The following NOTCH3 variants were observed in gnomAD, a reference collection of about 807,000 sequenced individuals.
NOTCH3 encodes neurogenic locus notch homolog protein 3.
NOTCH3 carries 86 observed loss-of-function variants against 213.3 expected under a neutral mutation model. The ratio of observed to expected loss-of-function variants is 0.40; its 90% CI spans 0.34 to 0.48. NOTCH3 has a LOEUF of 0.48. NOTCH3 is among the 20% of genes least tolerant of loss of function. NOTCH3 has a pLI of 0.57. For missense variants in NOTCH3, 2,783 were observed against 3,272.6 expected, an observed-to-expected ratio of 0.85 and a Z score of 3.65; for synonymous variants, 1,354 against 1,355.9, an observed-to-expected ratio of 1.00 and a Z score of 0.03.
At chr19:15,167,902 TTTTG>T (rs151155200) in intron 28 of NOTCH3, among the ~76,000 whole-genome samples, 10,066 of 47,356 alleles carry the variant, frequency 0.21, 402 homozygotes, top group African/African-American at 0.31. Context: ...TTTTTTTTTT[TTTTG>T]GTCTTTTTGA....
intron 1 of NOTCH3, among the ~76,000 whole-genome samples, chr19:15,200,149 C>A (rs1346493185): frequency 6.6e-6 from 1 of 150,392 alleles, no homozygotes; most frequent in African/African-American, 2.4e-5. Flanking sequence ...CTTCCCCTCC[C>A]CGCGCAGGGG....
In NOTCH3 at chr19:15,163,038, G is replaced by A. The variant is rs138328520; in HGVS notation, c.5816-476C>T. ...CCTGCCTCAGCCTCCCTAGTAGCTG[G>A]GACTACAGGCATGTACCACCATGCC... On this transcript the variant is annotated intron_variant, in intron 31 of 32. Transcript: ENST00000263388. 7.6e-3 allele frequency among the ~76,000 whole-genome samples: 1,159 copies of A among 152,198 alleles called. 9 individuals are homozygous for A. Among genetic ancestry groups the A allele is most frequent in the African/African-American group, 0.026 (1,084 of 41,504 alleles).
intron 23 of NOTCH3, 136 bp from the exon 24 acceptor site, chr19:15,178,226 G>A (rs922325740): frequency 1.4e-4 from 82 of 588,164 alleles, no homozygotes; most frequent in Admixed American, 3.4e-4. Flanking sequence ...GACTAAGGAA[G>A]GTTGAGACCC....
chr19:15,185,448 G>A lies in NOTCH3; in HGVS notation c.2144+39C>T. On this transcript the variant is annotated intron_variant, in intron 13 of 32. Coordinates refer to ENST00000263388, the MANE Select transcript of NOTCH3 (RefSeq NM_000435.3). This position sits in a 1 kb window ranked among gnomAD's most constrained non-coding sequence, Gnocchi z 4.2. ...TAGTCAGGCCAGGGAGGTGGGCCAG[G>A]GAGAGGGGGCAGTGTCTGAGGCTGA... 5 of 1,612,148 alleles carry A rather than the reference G, an allele frequency of 3.1e-6. No homozygotes were observed. The highest frequency in any genetic ancestry group is 3.4e-6 in the Non-Finnish European group (4 of 1,179,010).
At chr19:15,196,007 G>A (rs1262808046) in intron 2 of NOTCH3, among the ~76,000 whole-genome samples, 1 of 151,372 alleles carries the variant, frequency 6.6e-6, no homozygotes, top group Admixed American at 6.6e-5. Flanking sequence ...TGCTGCCGGT[G>A]GGGGGGTCTT....
chr19:15,161,979 TGTC>T (rs1473108338), intron 32 of NOTCH3, among the ~76,000 whole-genome samples: 1 of 105,548 alleles, frequency 9.5e-6, no homozygotes, highest in Non-Finnish European at 2.0e-5. Context: ...TTTTTTTTCT[TGTC>T]TTTTTTTTTT....
rs200723425 is a variant in NOTCH3, at chr19:15,179,420, C to G, written c.3404G>C (p.Gly1135Ala). The G allele has an allele frequency of 3.7e-6, 6 of 1,614,160 alleles. No individual in the cohort carries two copies. Among genetic ancestry groups the G allele is most frequent in the Non-Finnish European group, 4.2e-6 (5 of 1,180,038 alleles). The change falls in exon 21 of 33, where the codon GGT (glycine) becomes GCT (alanine). Residue 1135 changes from glycine to alanine, a missense_variant. By Grantham distance (60) the Gly-to-Ala change is moderately conservative (BLOSUM62 0). This residue lies in a region of NOTCH3 where 861 missense variants were observed against 909.1 expected (regional missense o/e 0.95). Coordinates refer to ENST00000263388, the MANE Select transcript of NOTCH3 (RefSeq NM_000435.3). ...GCGGGCCACGAGGTCAATGCATGAA[C>G]CCCCGTGCTGGCAGGGCTGGGAGGC... Reference protein sequence around the residue: ...ECASQPCQHGGSCIDLVARYL... With the variant: ...ECASQPCQHGASCIDLVARYL...
intron 31 of NOTCH3, among the ~76,000 whole-genome samples, chr19:15,163,787 T>C (rs2046663609): frequency 6.6e-6 from 1 of 152,104 alleles, no homozygotes; most frequent in Non-Finnish European, 1.5e-5. Flanking sequence ...GCCGTAATCA[T>C]GCCACTGCAC....
chr19:15,185,527 C>T lies in NOTCH3; in HGVS notation c.2104G>A (p.Glu702Lys), dbSNP rs1265253818. ...TAGCAGATGCCGTGACTGCAGGGCT[C>T]ATGGGCACAGGGATGGCTCGGGGGG... The part of the protein sequence containing the change: ...CLPPSHPCAH[E>K]PCSHGICYDA... Residue 702 changes from glutamate to lysine, a missense_variant, in exon 13 of 33, where the codon GAG becomes AAG. Glu to Lys is a moderately conservative substitution (Grantham distance 56). Around this residue, in one of 6 missense-constraint regions of NOTCH3, gnomAD observed 861 missense variants for 909.1 expected, o/e 0.95. Transcript: ENST00000263388. The surrounding 1 kb of genome is among the most constrained non-coding windows in gnomAD (Gnocchi z 4.2). 1 of 1,612,556 alleles carries T rather than the reference C, an allele frequency of 6.2e-7. No individual in the cohort carries two copies.
intron 23 of NOTCH3, chr19:15,178,345 T>C: frequency 3.9e-6 from 2 of 515,950 alleles, no homozygotes; most frequent in Non-Finnish European, 6.9e-6. Flanking sequence ...ATCACCATCC[T>C]CACCCTTTTC....
At chr19:15,178,185 A>C in intron 23 of NOTCH3, 95 bp from the exon 24 acceptor site, 1 of 745,050 alleles carries the variant, frequency 1.3e-6, no homozygotes, top group Non-Finnish European at 2.1e-6. Context: ...AAGAAGAGTC[A>C]AGGGGAGAGA....
Position 15,160,348 on chromosome 19 carries a change from G to T in NOTCH3, c.*314C>A. On this transcript the variant is annotated 3_prime_UTR_variant, in exon 33 of 33. Coordinates refer to ENST00000263388, the MANE Select transcript of NOTCH3 (RefSeq NM_000435.3). ...ATAAAAATAATAATAATTCATTCAT[G>T]TCAGAGTGTAAGGAAATGAGAGGCC... The T allele has an allele frequency of 3.0e-6, 1 of 332,892 alleles. No individual in the cohort carries two copies. The highest frequency in any genetic ancestry group is 5.5e-6 in the Non-Finnish European group (1 of 183,230). The allele number at this position is 332,892 out of a possible 1,614,324, so 20.6% of individuals were successfully genotyped here. A position where few individuals can be genotyped will look rare whatever the true frequency, so the allele number is the denominator to read the frequency against.
intron 1 of NOTCH3, among the ~76,000 whole-genome samples, chr19:15,199,960 G>A (rs2046998507): frequency 6.6e-6 from 1 of 151,850 alleles, no homozygotes; most frequent in Non-Finnish European, 1.5e-5. Context: ...GCTTTGTCTG[G>A]CAAAGAAAGC....
intron 2 of NOTCH3, among the ~76,000 whole-genome samples, chr19:15,195,937 G>C (rs145096786): frequency 0.052 from 7,811 of 151,376 alleles, 303 homozygotes; most frequent in Non-Finnish European, 0.072. Context: ...GACCTAGTTA[G>C]GGGGGGCACG....
chr19:15,192,880 A>G (rs1421118112), intron 2 of NOTCH3, among the ~76,000 whole-genome samples: 1 of 152,154 alleles, frequency 6.6e-6, no homozygotes, highest in Non-Finnish European at 1.5e-5. Context: ...GCGCCACTGC[A>G]CTGCAGCCTG....
Position 15,200,802 on chromosome 19 carries a change from C to G in NOTCH3, c.104G>C (p.Gly35Ala). 7.8e-7 allele frequency: 1 copy of G among 1,275,164 alleles called. No homozygotes were observed. Among genetic ancestry groups the G allele is most frequent in the Non-Finnish European group, 1.0e-6 (1 of 1,005,012 alleles). The allele number at this position is 1,275,164 out of a possible 1,614,324, so 79.0% of individuals were successfully genotyped here. Residue 35 changes from glycine (G) to alanine (A), a missense_variant, in exon 1 of 33, where the codon GGG becomes GCG. Gly to Ala is a moderately conservative substitution (Grantham distance 60). Transcript: ENST00000263388. Reference sequence around the variant, plus strand: ...CGGCCCCTCACCTGCAGCCCCCGGCCCCGCTAGCAGCAGCAGCAGGGGCAG... The same window carrying G: ...CGGCCCCTCACCTGCAGCCCCCGGCGCCGCTAGCAGCAGCAGCAGGGGCAG... ...RALPLLLLLAGPGAAAPPCLD... is the reference protein window; with the variant it reads ...RALPLLLLLAAPGAAAPPCLD...
chr19:15,179,646 C>T, intron 20 of NOTCH3, 150 bp from the exon 21 acceptor site: 1 of 812,020 alleles, frequency 1.2e-6, no homozygotes, highest in South Asian at 1.5e-5. Context: ...CTTTGGGAGG[C>T]CGAGGTGGGC....
intron 1 of NOTCH3, 129 bp from the exon 2 acceptor site, chr19:15,197,707 G>T: frequency 1.5e-6 from 1 of 683,108 alleles, no homozygotes; most frequent in Non-Finnish European, 2.4e-6. Context: ...TGCGGGTGCA[G>T]GGAGTCCCCC....
rs2046932884 is a variant in NOTCH3 at position 15,192,121 on chromosome 19, G to A, written c.518C>T (p.Thr173Ile). The A allele has an allele frequency of 1.9e-6, 3 of 1,613,076 alleles. No homozygotes were observed. Among genetic ancestry groups the A allele is most frequent in the South Asian group, 1.1e-5 (1 of 91,084 alleles). Residue 173 changes from threonine to isoleucine, a missense_variant, in exon 4 of 33, where the codon ACC (threonine) becomes ATC (isoleucine). This residue lies in a region of NOTCH3 where 708 missense variants were observed against 906.6 expected (regional missense o/e 0.78). Transcript: ENST00000263388. The stretch of plus-strand genomic sequence containing the variant: ...GAAGGAGCCAGGTGTGTTGAGGCAG[G>A]TGCCACCATGGCGGCAGGGCTCACC... ...RVGEPCRHGG[T>I]CLNTPGSFRC...
Sources: allele counts gnomAD v4.1 joint callset (sites outside exome capture counted in the v4.1 genomes callset), GRCh38; gene constraint gnomAD v4.1.1; regional missense constraint gnomAD v4.1.1; non-coding constraint Gnocchi (gnomAD v3.1); transcripts MANE v1.5; gene names NCBI Gene and HGNC (gene_info 2026-07-23, HGNC 2026-07-21).